Variants in NTM observed in about 807,000 individuals in gnomAD.
NTM encodes the protein IgLON family member 2.
NTM carries 13 observed loss-of-function variants against 42.1 expected under a neutral mutation model. That is an observed-to-expected ratio of 0.31 (90% CI 0.20 to 0.49). NTM has a LOEUF of 0.49. NTM is among the 20% of genes least tolerant of loss of function. The probability of loss-of-function intolerance (pLI) is 0.99; values close to 1 mark genes in which losing one functional copy is unlikely to be tolerated. For synonymous variants in NTM, 187 were observed against 179.2 expected (o/e 1.04, Z -0.35); for missense variants, 373 against 452.8 (o/e 0.82, Z 1.60).
In NTM at chr11:132,145,177, C is replaced by T. The variant is rs75536412; in HGVS notation, c.168-1105C>T. On this transcript the variant is annotated intron_variant, in intron 2 of 8. Coordinates refer to ENST00000683400, the MANE Select transcript of NTM (RefSeq NM_001352005.2). ...GTCTGACTTCTATACTTCTAGCTCT[C>T]ATTCCTTGGACAAGTCATCAGGCTA... Among the ~76,000 whole-genome samples, 268 of 152,308 alleles carry T rather than the reference C, an allele frequency of 1.8e-3. 2 individuals are homozygous for T. The East Asian group carries it at 0.025, about 14-fold the overall frequency.
intron 1 of NTM, among the ~76,000 whole-genome samples, chr11:131,841,145 G>T (rs1054140086): frequency 3.3e-5 from 5 of 152,198 alleles, no homozygotes; most frequent in African/African-American, 7.2e-5. Flanking sequence ...CTAGGATGTT[G>T]TTCCTCTCCT....
intron 2 of NTM, among the ~76,000 whole-genome samples, chr11:131,953,987 C>T (rs947046921): frequency 6.6e-6 from 1 of 152,174 alleles, no homozygotes; most frequent in Non-Finnish European, 1.5e-5. Flanking sequence ...TCAAGTCCAT[C>T]TGTAAGGCAG....
At chr11:132,090,192 G>A (rs2060219414) in intron 2 of NTM, among the ~76,000 whole-genome samples, 1 of 152,136 alleles carries the variant, frequency 6.6e-6, no homozygotes, top group South Asian at 2.1e-4. Flanking sequence ...TCTAGCAGAA[G>A]GTGAGCACTT....
intron 4 of NTM, among the ~76,000 whole-genome samples, chr11:132,299,425 G>A (rs1224172805): frequency 1.3e-5 from 2 of 152,212 alleles, no homozygotes; most frequent in African/African-American, 2.4e-5. Context: ...CAAGGTGGAG[G>A]AGCCCAGGAA....
intron 2 of NTM, among the ~76,000 whole-genome samples, chr11:132,020,717 C>T (rs2074208113): frequency 1.3e-5 from 2 of 152,010 alleles, no homozygotes; most frequent in African/African-American, 4.8e-5. Flanking sequence ...TATCCCATTG[C>T]CTTGGCCTTC....
intron 4 of NTM, among the ~76,000 whole-genome samples, chr11:132,267,365 A>G (rs1395318074): frequency 1.3e-5 from 2 of 152,168 alleles, no homozygotes; most frequent in Admixed American, 6.5e-5. Context: ...CTTTAGTTAC[A>G]TGACTCTCTT....
At chr11:132,235,814 A>G (rs1286705506) in intron 4 of NTM, among the ~76,000 whole-genome samples, 7 of 152,230 alleles carry the variant, frequency 4.6e-5, no homozygotes, top group Non-Finnish European at 7.3e-5. Flanking sequence ...CACCTCTGGC[A>G]TATGCAGTCT....
At chr11:131,643,563 A>G (rs964561937) in intron 1 of NTM, among the ~76,000 whole-genome samples, 3 of 152,170 alleles carry the variant, frequency 2.0e-5, no homozygotes, top group Non-Finnish European at 4.4e-5. Flanking sequence ...CTCGTGTCGC[A>G]CAGAAGCTTA....
intron 7 of NTM, among the ~76,000 whole-genome samples, chr11:132,315,627 T>C (rs2095408619): frequency 6.6e-6 from 1 of 152,194 alleles, no homozygotes; most frequent in Non-Finnish European, 1.5e-5. Context: ...ACAAATTCCT[T>C]ATATTCTGAA....
chr11:132,050,813 G>A (rs1217464524), intron 2 of NTM, among the ~76,000 whole-genome samples: 1 of 152,354 alleles, frequency 6.6e-6, no homozygotes, highest in African/African-American at 2.4e-5. Context: ...TTGCAGGGCT[G>A]GCTGGTGTCT....
At chr11:132,191,552 T>C (rs2138267866) in intron 3 of NTM, among the ~76,000 whole-genome samples, 1 of 152,274 alleles carries the variant, frequency 6.6e-6, no homozygotes, top group South Asian at 2.1e-4. Flanking sequence ...CTTCAAAGGA[T>C]AGAGGAACAT....
At chr11:132,263,914 C>T (rs950487328) in intron 4 of NTM, among the ~76,000 whole-genome samples, 9 of 152,144 alleles carry the variant, frequency 5.9e-5, no homozygotes, top group Non-Finnish European at 8.8e-5. Context: ...ATTATGTACA[C>T]GATTATTTTG....
chr11:131,757,701 T>TG (rs1417831413), intron 1 of NTM, among the ~76,000 whole-genome samples: 1 of 152,202 alleles, frequency 6.6e-6, no homozygotes, highest in Non-Finnish European at 1.5e-5. Flanking sequence ...GTTATTATTA[T>TG]TATGTTTGTT....
chr11:131,529,829 C>T (rs945370061), intron 1 of NTM, among the ~76,000 whole-genome samples: 5 of 152,120 alleles, frequency 3.3e-5, no homozygotes, highest in South Asian at 2.1e-4. Flanking sequence ...TTTGCAATTT[C>T]GTGAATAATC....
chr11:132,295,747 G>T (rs1242907089), intron 4 of NTM, among the ~76,000 whole-genome samples: 1 of 152,220 alleles, frequency 6.6e-6, no homozygotes, highest in African/African-American at 2.4e-5. Context: ...GTAGGCAAGA[G>T]CCAGCTCATG....
chr11:131,606,613 A>G (rs1222251467), intron 1 of NTM, among the ~76,000 whole-genome samples: 1 of 152,154 alleles, frequency 6.6e-6, no homozygotes. Flanking sequence ...ACAAAATAAC[A>G]CATGGGAACT....
chr11:131,997,540 A>G (rs2068299097), intron 2 of NTM, among the ~76,000 whole-genome samples: 1 of 152,220 alleles, frequency 6.6e-6, no homozygotes, highest in Admixed American at 6.5e-5. Flanking sequence ...GTTTGCAGGC[A>G]TAGCACAGGC....
At chr11:132,236,269 C>G (rs917655337) in intron 4 of NTM, among the ~76,000 whole-genome samples, 6 of 152,054 alleles carry the variant, frequency 3.9e-5, no homozygotes, top group African/African-American at 1.5e-4. Flanking sequence ...AACATTGAAG[C>G]TCAGAGAGGT....
chr11:132,260,256 C>CTT lies in NTM; in HGVS notation c.527-47423_527-47422dup, dbSNP rs11415025. Among the ~76,000 whole-genome samples, 953 of 148,204 alleles carry CTT rather than the reference C, an allele frequency of 6.4e-3. 15 individuals carry two copies. Among genetic ancestry groups the CTT allele is most frequent in the African/African-American group, 0.02 (822 of 40,468 alleles). On this transcript the variant is annotated intron_variant, in intron 4 of 8. Coordinates refer to ENST00000683400, the MANE Select transcript of NTM (RefSeq NM_001352005.2). ...TGTTAAATCTAAAAAATCACCCAGC[C>CTT]TTTTTTTTTTTAAAGATAAGAGAAC...
Sources: allele counts gnomAD v4.1 joint callset (sites outside exome capture counted in the v4.1 genomes callset), GRCh38; gene constraint gnomAD v4.1.1; transcripts MANE v1.5; gene names NCBI Gene and HGNC (gene_info 2026-07-23, HGNC 2026-07-21).